Variants in HESX1 observed in about 807,000 individuals in gnomAD.
HESX1 encodes homeobox expressed in ES cells 1.
Under a neutral mutation model 22.5 loss-of-function variants are expected in HESX1, and 11 were observed. That is an observed-to-expected ratio of 0.49 (90% confidence interval 0.31 to 0.81). HESX1 has a LOEUF of 0.81. Ranked by LOEUF, HESX1 falls within the 30% of genes least tolerant of loss-of-function variation. HESX1 has a pLI of 0.05. For missense variants in HESX1, 201 were observed against 212.6 expected, an observed-to-expected ratio of 0.95 and a Z score of 0.34; for synonymous variants, 74 against 76.5, an observed-to-expected ratio of 0.97 and a Z score of 0.17.
chr3:57,220,031 G>A (rs554341929), intron 1 of HESX1, among the ~76,000 whole-genome samples: 1 of 152,290 alleles, frequency 6.6e-6, no homozygotes, highest in South Asian at 2.1e-4. Context: ...GCGTAAAAAA[G>A]GGTCCAGTTT....
At chr3:57,201,875 A>ATATCTATCTATCTATC (rs759735344), upstream of HESX1, among the ~76,000 whole-genome samples, 21 of 131,928 alleles carry the variant, frequency 1.6e-4, no homozygotes, top group South Asian at 2.7e-4. Flanking sequence ...CTATCTATCT[A>ATATCTATCTATCTATC]TATCTATCTA....
intron 1 of HESX1, among the ~76,000 whole-genome samples, chr3:57,210,840 C>T (rs2060549027): frequency 6.6e-6 from 1 of 152,148 alleles, no homozygotes; most frequent in South Asian, 2.1e-4. Flanking sequence ...ATGTGTATCA[C>T]TCCAGGGCAA....
chr3:57,211,517 G>C (rs1044192777), intron 1 of HESX1, among the ~76,000 whole-genome samples: 2 of 90,128 alleles, frequency 2.2e-5, no homozygotes, highest in Admixed American at 1.8e-4. Flanking sequence ...GTGACAGAGA[G>C]AGACCTTGTC....
intron 1 of HESX1, among the ~76,000 whole-genome samples, chr3:57,208,457 C>A (rs2060532680): frequency 1.3e-5 from 2 of 151,982 alleles, no homozygotes; most frequent in Admixed American, 1.3e-4. Flanking sequence ...AGCGATTCTC[C>A]TGCCTCAGCC....
intron 1 of HESX1, among the ~76,000 whole-genome samples, chr3:57,219,391 G>A (rs979947199): frequency 1.4e-4 from 21 of 150,356 alleles, no homozygotes; most frequent in African/African-American, 4.4e-4. Context: ...TTTTTGAGAC[G>A]GAGTCTTGCT....
At chr3:57,198,610 A>T in intron 2 of HESX1, 118 bp from the exon 3 acceptor site, 1 of 1,018,814 alleles carries the variant, frequency 9.8e-7, no homozygotes, top group Non-Finnish European at 1.5e-6. Context: ...AAAAATGATT[A>T]CCTGGAAATT....
chr3:57,206,871 A>G (rs1431052446), intron 1 of HESX1, among the ~76,000 whole-genome samples: 1 of 152,188 alleles, frequency 6.6e-6, no homozygotes, highest in Non-Finnish European at 1.5e-5. Flanking sequence ...TCATGAGGGA[A>G]AGCCAGCAGA....
intron 1 of HESX1, among the ~76,000 whole-genome samples, chr3:57,217,830 C>T (rs1559501827): frequency 1.3e-5 from 2 of 152,078 alleles, no homozygotes; most frequent in African/African-American, 2.4e-5. Flanking sequence ...TTCCAACATC[C>T]GGCCACCAAA....
chr3:57,203,625 G>A (rs1385818778), upstream of HESX1, among the ~76,000 whole-genome samples: 2 of 152,098 alleles, frequency 1.3e-5, no homozygotes, highest in Non-Finnish European at 2.9e-5. Flanking sequence ...CGCAACCTCT[G>A]CTCACTGCAA....
chr3:57,207,432 G>T (rs1266970690), intron 1 of HESX1, among the ~76,000 whole-genome samples: 5 of 152,138 alleles, frequency 3.3e-5, no homozygotes, highest in Non-Finnish European at 7.4e-5. Context: ...TCTACTGTCT[G>T]GATTGTGGAC....
intron 1 of HESX1, among the ~76,000 whole-genome samples, chr3:57,224,118 G>A (rs892339864): frequency 6.6e-5 from 10 of 151,918 alleles, no homozygotes; most frequent in Admixed American, 1.3e-4. Context: ...TCAGCCTCCC[G>A]AGTAGCTGGG....
In HESX1 at chr3:57,198,693, C is replaced by T. The variant is rs2060463609; in HGVS notation, c.357+60G>A. 5.4e-6 allele frequency: 8 copies of T among 1,493,660 alleles called. No homozygotes were observed. The Admixed American group carries it at 1.3e-4, about 25-fold the overall frequency. 92.5% of individuals were successfully genotyped at this position (1,493,660 alleles called of 1,614,324 possible). On this transcript the variant is annotated intron_variant, in intron 2 of 3. Transcript: ENST00000295934. ...AGATACCAAAGTGAGTGGGCTTTTG[C>T]TCAACTTGGTGTCAATTAAAGCCTT...
At chr3:57,200,319 C>G (rs1023311707), upstream of HESX1, among the ~76,000 whole-genome samples, 10 of 152,168 alleles carry the variant, frequency 6.6e-5, no homozygotes, top group Non-Finnish European at 1.2e-4. Flanking sequence ...TTTATACTTT[C>G]ATGGGCTCCA....
intron 1 of HESX1, among the ~76,000 whole-genome samples, chr3:57,225,881 CTTTTTTT>C (rs540522007): frequency 7.6e-5 from 10 of 132,130 alleles, no homozygotes; most frequent in Admixed American, 6.2e-4. Flanking sequence ...CTTTTCTTTT[CTTTTTTT>C]TTTTTTTTTT....
chr3:57,224,448 A>G (rs1361776124), intron 1 of HESX1, among the ~76,000 whole-genome samples: 2 of 152,072 alleles, frequency 1.3e-5, no homozygotes, highest in African/African-American at 4.8e-5. Flanking sequence ...GACTCTTTAA[A>G]AATTTTTTTT....
At chr3:57,204,726 G>C (rs576515075), upstream of HESX1, among the ~76,000 whole-genome samples, 153 of 151,936 alleles carry the variant, frequency 1.0e-3, no homozygotes, top group African/African-American at 3.5e-3. Context: ...TTGAGCCCAG[G>C]AGGTAGAGGC....
At chr3:57,221,401 C>T (rs760195907) in intron 1 of HESX1, among the ~76,000 whole-genome samples, 1 of 152,162 alleles carries the variant, frequency 6.6e-6, no homozygotes, top group Non-Finnish European at 1.5e-5. Flanking sequence ...AAGCCATCCT[C>T]CCACCTCAGC....
chr3:57,198,527 C>A, intron 2 of HESX1, 35 bp from the exon 3 acceptor site: 2 of 1,293,400 alleles, frequency 1.5e-6, no homozygotes, highest in South Asian at 2.5e-5. Context: ...CAGTATGTCT[C>A]CAAAAATGAG....
chr3:57,225,458 C>G (rs1431972976), intron 1 of HESX1, among the ~76,000 whole-genome samples: 1 of 152,126 alleles, frequency 6.6e-6, no homozygotes, highest in Non-Finnish European at 1.5e-5. Flanking sequence ...ATTCTCCTGC[C>G]TCAGCTTCCC....
Sources: allele counts gnomAD v4.1 joint callset (sites outside exome capture counted in the v4.1 genomes callset), GRCh38; gene constraint gnomAD v4.1.1; transcripts MANE v1.5; gene names NCBI Gene and HGNC (gene_info 2026-07-23, HGNC 2026-07-21).